The following GCA variants were observed in gnomAD, a reference collection of about 807,000 sequenced individuals.
GCA encodes grancalcin.
In GCA, 30 loss-of-function variants were observed where a neutral mutation model predicts 32.6. The observed-to-expected ratio is 0.92, with a 90% CI of 0.69 to 1.25. The LOEUF (loss-of-function observed/expected upper bound fraction) is 1.25, where lower values mean the gene tolerates loss of function less well. Ranked by LOEUF, GCA falls within the 50% of genes most tolerant of loss-of-function variation. The pLI, the probability that GCA is intolerant of heterozygous loss-of-function variation, is 0.00. For missense variants in GCA, 291 were observed against 266.8 expected (o/e 1.09, Z -0.63); for synonymous variants, 102 against 84.6 (o/e 1.21, Z -1.13).
At chr2:162,354,063 G>A (rs1406522451) in intron 3 of GCA, among the ~76,000 whole-genome samples, 1 of 152,036 alleles carries the variant, frequency 6.6e-6, no homozygotes, top group Non-Finnish European at 1.5e-5. Flanking sequence ...TATTTTTAAA[G>A]TTTTTTCTTC....
downstream of GCA, chr2:162,373,326 C>T (rs937723604): frequency 2.1e-6 from 1 of 472,010 alleles, no homozygotes; most frequent in East Asian, 3.4e-5. Context: ...ATTACAGGGC[C>T]CATTTCCAGA....
chr2:162,326,256 A>G (rs1683874488), intron 1 of GCA, among the ~76,000 whole-genome samples: 1 of 152,214 alleles, frequency 6.6e-6, no homozygotes, highest in African/African-American at 2.4e-5. Context: ...TCAAGTCTAC[A>G]GAAAAGTTCC....
At chr2:162,345,093 A>AGGGTGGTGGTGGTGG (rs1553464742) in intron 1 of GCA, among the ~76,000 whole-genome samples, 1 of 109,346 alleles carries the variant, frequency 9.1e-6, no homozygotes, top group African/African-American at 3.4e-5. Context: ...CTTGGAGTTC[A>AGGGTGGTGGTGGTGG]TGGTGGTGGT....
intron 2 of GCA, among the ~76,000 whole-genome samples, chr2:162,350,966 A>G (rs765501806): frequency 2.6e-5 from 4 of 152,146 alleles, no homozygotes; most frequent in Admixed American, 1.3e-4. Flanking sequence ...TGACTTAGGT[A>G]TACTGCTCCT....
downstream of GCA, among the ~76,000 whole-genome samples, chr2:162,365,479 A>G (rs1455334914): frequency 6.6e-6 from 1 of 151,618 alleles, no homozygotes; most frequent in Non-Finnish European, 1.5e-5. Flanking sequence ...AAGCGTTATG[A>G]TTTCATGCTA....
chr2:162,364,563 G>A (rs534356329), downstream of GCA, among the ~76,000 whole-genome samples: 1 of 151,584 alleles, frequency 6.6e-6, no homozygotes, highest in South Asian at 2.1e-4. Context: ...TTGTCAAAGG[G>A]AAATGTTCTC....
chr2:162,347,631 A>G lies in GCA; in HGVS notation c.81A>G (p.Pro27=). The part of the protein sequence containing the change: ...VPGMQMGQPV[P]ETGPAILLDG... ...GAATGCAGATGGGACAGCCAGTGCC[A>G]GAAACAGGCCCAGCTATACTCCTCG... Residue 27 remains proline, a synonymous_variant, in exon 2 of 8, where the codon CCA becomes CCG. Transcript: ENST00000437150. 6.2e-7 allele frequency: 1 copy of G among 1,610,882 alleles called. No homozygotes were observed. The highest frequency in any genetic ancestry group is 8.5e-7 in the Non-Finnish European group (1 of 1,177,856).
At chr2:162,343,658 G>T (rs1472960187), upstream of GCA, among the ~76,000 whole-genome samples, 2 of 152,136 alleles carry the variant, frequency 1.3e-5, no homozygotes, top group African/African-American at 4.8e-5. Context: ...GTGTGGTCCT[G>T]GTTGCAAAGT....
intron 1 of GCA, among the ~76,000 whole-genome samples, chr2:162,331,687 C>A (rs553888433): frequency 3.0e-4 from 46 of 152,302 alleles, no homozygotes; most frequent in African/African-American, 1.1e-3. Flanking sequence ...ACTTCCCATC[C>A]TTCAGAACTG....
At chr2:162,356,367 T>C in intron 3 of GCA, 71 bp from the exon 4 acceptor site, 3 of 848,424 alleles carry the variant, frequency 3.5e-6, no homozygotes, top group Non-Finnish European at 6.0e-6. Flanking sequence ...ATTTTGAAAC[T>C]GGAGATTGTC....
At chr2:162,363,277 A>G (rs1047516341), downstream of GCA, among the ~76,000 whole-genome samples, 2 of 151,446 alleles carry the variant, frequency 1.3e-5, no homozygotes, top group Admixed American at 6.6e-5. Context: ...AGGCAGGCAT[A>G]TTCTGTCCCA....
downstream of GCA, among the ~76,000 whole-genome samples, chr2:162,374,699 T>G (rs1476758874): frequency 6.6e-6 from 1 of 152,112 alleles, no homozygotes; most frequent in Non-Finnish European, 1.5e-5. Context: ...CTGGAAAACA[T>G]GAGAAAATAT....
intron 7 of GCA, 104 bp from the exon 8 acceptor site, chr2:162,360,113 C>T (rs1436055654): frequency 1.4e-6 from 1 of 706,126 alleles, no homozygotes; most frequent in African/African-American, 1.9e-5. Flanking sequence ...GCCTTGGAAA[C>T]AAACTTTTCT....
exon 5 of GCA, chr2:162,371,554 T>G (rs1685947244): frequency 1.1e-6 from 1 of 875,568 alleles, no homozygotes; most frequent in Non-Finnish European, 1.5e-6. Context: ...AATTGGAGTT[T>G]CCTAACATGC....
In GCA at chr2:162,362,392, A is replaced by G. The variant is rs1685610899; in HGVS notation, c.*2149A>G. 1 of 976,368 alleles carries G rather than the reference A, an allele frequency of 1.0e-6. No individual in the cohort carries two copies. The highest frequency in any genetic ancestry group is 6.2e-5 in the Admixed American group (1 of 16,110). The allele number at this position is 976,368 out of a possible 1,614,324, so 60.5% of individuals were successfully genotyped here. On this transcript the variant is annotated 3_prime_UTR_variant, in exon 8 of 8. Transcript: ENST00000437150. ...TAGAGAATATTTTACCAGAATTTTTATACTGAAATACAGTTCACTTTTTCG... is the reference window on the plus strand; with the variant it reads ...TAGAGAATATTTTACCAGAATTTTTGTACTGAAATACAGTTCACTTTTTCG...
chr2:162,327,988 C>T (rs769543340), intron 1 of GCA, among the ~76,000 whole-genome samples: 13 of 152,164 alleles, frequency 8.5e-5, no homozygotes, highest in Non-Finnish European at 1.8e-4. Flanking sequence ...CTTGGCGCCT[C>T]GTCTGCCTGG....
downstream of GCA, chr2:162,372,174 A>G: frequency 1.7e-6 from 2 of 1,175,548 alleles, no homozygotes; most frequent in Non-Finnish European, 1.2e-6. Flanking sequence ...ATAAAAACTT[A>G]AGCATTTTCT....
intron 5 of GCA, 46 bp from the exon 6 acceptor site, chr2:162,358,998 T>C (rs929107650): frequency 1.1e-6 from 1 of 893,246 alleles, no homozygotes; most frequent in African/African-American, 1.7e-5. Flanking sequence ...CTTGCAGTGT[T>C]CTTATGTTAT....
chr2:162,372,108 G>A (rs1558911697), downstream of GCA: 1 of 1,592,506 alleles, frequency 6.3e-7, no homozygotes, highest in African/African-American at 1.4e-5. Context: ...GATGGAAAAA[G>A]AACAAAACAA....
Sources: gnomAD v4.1 joint callset for allele counts (sites outside exome capture counted in the v4.1 genomes callset) on GRCh38, gnomAD v4.1.1 for gene constraint, MANE v1.5 for transcripts, NCBI Gene and HGNC (gene_info 2026-07-23, HGNC 2026-07-21) for gene names.